The following PVT1 variants were observed in gnomAD, a reference collection of about 807,000 sequenced individuals.
The protein encoded by PVT1 is Pvt1 oncogene, also known as CXCR4/PVT1 fusion.
intron 3 of PVT1, among the ~76,000 whole-genome samples, chr8:127,902,659 T>A (rs913606868): frequency 1.3e-5 from 2 of 152,112 alleles, no homozygotes; most frequent in African/African-American, 4.8e-5. Flanking sequence ...AATGTTTAGT[T>A]CCCACTTATA....
intron 3 of PVT1, among the ~76,000 whole-genome samples, chr8:127,922,400 C>T (rs1159846366): frequency 6.6e-6 from 1 of 150,700 alleles, no homozygotes; most frequent in Admixed American, 6.6e-5. Flanking sequence ...GCTGCAACCC[C>T]TCTCCCCCAT....
intron 3 of PVT1, among the ~76,000 whole-genome samples, chr8:127,982,859 G>A (rs866123633): frequency 8.5e-5 from 13 of 152,094 alleles, no homozygotes; most frequent in Admixed American, 7.2e-4. Flanking sequence ...CAGGTTTCTT[G>A]CTCCTTCTTC....
At chr8:127,846,583 G>A (rs993549098) in intron 2 of PVT1, among the ~76,000 whole-genome samples, 1 of 152,152 alleles carries the variant, frequency 6.6e-6, no homozygotes, top group Non-Finnish European at 1.5e-5. Context: ...CACCACCCAC[G>A]GAGACTAGCT....
chr8:127,845,144 C>G (rs1282438748), intron 2 of PVT1, among the ~76,000 whole-genome samples: 1 of 152,094 alleles, frequency 6.6e-6, no homozygotes, highest in African/African-American at 2.4e-5. Context: ...GAATTTAGCC[C>G]TTTGCAGGGT....
At chr8:127,803,601 A>G (rs541697956) in intron 2 of PVT1, 2 of 152,378 alleles carry the variant, frequency 1.3e-5, no homozygotes, top group East Asian at 3.9e-4. Flanking sequence ...GGAAGAAGGA[A>G]ATATGGGCCA....
chr8:128,043,416 A>C (rs1813569641), intron 4 of PVT1, among the ~76,000 whole-genome samples: 1 of 152,168 alleles, frequency 6.6e-6, no homozygotes, highest in African/African-American at 2.4e-5. Flanking sequence ...TTTTGAAATC[A>C]GTGTAAGTAT....
chr8:127,984,020 A>G (rs1165415786), intron 3 of PVT1: 1 of 151,884 alleles, frequency 6.6e-6, no homozygotes, highest in Non-Finnish European at 1.5e-5. Flanking sequence ...CTGGTATTAC[A>G]GGCGTGTGCC....
At chr8:127,978,188 G>A (rs1017235029) in intron 3 of PVT1, among the ~76,000 whole-genome samples, 2 of 151,822 alleles carry the variant, frequency 1.3e-5, no homozygotes, top group African/African-American at 4.8e-5. Flanking sequence ...GTCTTGCTCT[G>A]TCACCCAGGC....
chr8:128,075,711 C>G (rs912835770), intron 5 of PVT1, among the ~76,000 whole-genome samples: 1 of 152,108 alleles, frequency 6.6e-6, no homozygotes, highest in Admixed American at 6.6e-5. Flanking sequence ...TGCAGTTTAC[C>G]CCTTTTCACT....
At chr8:127,956,245 C>T (rs1213101688) in intron 3 of PVT1, among the ~76,000 whole-genome samples, 1 of 152,248 alleles carries the variant, frequency 6.6e-6, no homozygotes, top group Non-Finnish European at 1.5e-5. Context: ...CAGAGCCAGG[C>T]TGGCAGGGCT....
chr8:127,914,882 G>A (rs1211685119), intron 3 of PVT1, among the ~76,000 whole-genome samples: 1 of 149,290 alleles, frequency 6.7e-6, no homozygotes, highest in Non-Finnish European at 1.5e-5. Flanking sequence ...CTGGAGTGCA[G>A]TGGTGCAATC....
chr8:127,821,378 G>GA (rs1390949063), intron 2 of PVT1, among the ~76,000 whole-genome samples: 1 of 152,060 alleles, frequency 6.6e-6, no homozygotes, highest in South Asian at 2.1e-4. Context: ...TTAAAAAAAA[G>GA]AAAAAATTCA....
chr8:127,937,386 T>C (rs2129900350), intron 3 of PVT1, among the ~76,000 whole-genome samples: 1 of 152,012 alleles, frequency 6.6e-6, no homozygotes, highest in South Asian at 2.1e-4. Flanking sequence ...GTAGCTGGGA[T>C]TCCAGGTGTG....
At chr8:127,934,550 C>A (rs571064988) in intron 3 of PVT1, among the ~76,000 whole-genome samples, 1 of 152,338 alleles carries the variant, frequency 6.6e-6, no homozygotes, top group Admixed American at 6.5e-5. Context: ...TGTTTAGGGA[C>A]TCCCAGAATG....
At chr8:128,011,652 C>T (rs533791952) in intron 4 of PVT1, among the ~76,000 whole-genome samples, 31 of 152,280 alleles carry the variant, frequency 2.0e-4, no homozygotes, top group African/African-American at 5.8e-4. Flanking sequence ...TGGAGAAATA[C>T]AAGGAAACTA....
chr8:127,902,038 C>A, intron 3 of PVT1, among the ~76,000 whole-genome samples: 1 of 152,034 alleles, frequency 6.6e-6, no homozygotes, highest in Admixed American at 6.6e-5. Context: ...AATACAAGAT[C>A]TTTGGTGAAA....
At chr8:127,990,575 G>A (rs1352688561) in intron 4 of PVT1, among the ~76,000 whole-genome samples, 1 of 152,208 alleles carries the variant, frequency 6.6e-6, no homozygotes, top group Non-Finnish European at 1.5e-5. Context: ...TGAAAGCTAT[G>A]CAAGGGTGGA....
At chr8:127,935,115 C>T (rs1297451106) in intron 3 of PVT1, among the ~76,000 whole-genome samples, 2 of 152,036 alleles carry the variant, frequency 1.3e-5, no homozygotes, top group East Asian at 1.9e-4. Context: ...TACAGGCATG[C>T]ACCACCACAC....
chr8:127,827,335 T>C (rs1410369138), intron 2 of PVT1, among the ~76,000 whole-genome samples: 2 of 150,760 alleles, frequency 1.3e-5, no homozygotes, highest in Admixed American at 1.3e-4. Context: ...GACTGTCTGC[T>C]GTCTCTTGCT....
Sources: gnomAD v4.1 joint callset for allele counts (sites outside exome capture counted in the v4.1 genomes callset) on GRCh38, gnomAD v4.1.1 for gene constraint, MANE v1.5 for transcripts, NCBI Gene and HGNC (gene_info 2026-07-23, HGNC 2026-07-21) for gene names.